Variants in WIPF3 observed in about 807,000 individuals in gnomAD.
WIPF3 encodes WAS/WASL interacting protein family member 3, also known as WAS/WASL-interacting protein family member 3.
In WIPF3, 33 loss-of-function variants were observed where a neutral mutation model predicts 38.9. The observed-to-expected ratio is 0.85, with a 90% CI of 0.64 to 1.14. The LOEUF (loss-of-function observed/expected upper bound fraction) is 1.14, where lower values mean the gene tolerates loss of function less well. Among genes scored for constraint, WIPF3 ranks in the 50% most tolerant of loss-of-function variants. The pLI is 0.00. For missense variants in WIPF3, 711 were observed against 652.5 expected (o/e 1.09, Z -0.98); for synonymous variants, 324 against 269.3 (o/e 1.20, Z -1.99).
intron 1 of WIPF3, among the ~76,000 whole-genome samples, chr7:29,813,989 C>G (rs1784420632): frequency 6.6e-6 from 1 of 151,898 alleles, no homozygotes; most frequent in Non-Finnish European, 1.5e-5. Flanking sequence ...GGTGCTATCC[C>G]AGCTCACTGC....
chr7:29,808,298 G>A (rs1481182205), intron 1 of WIPF3, among the ~76,000 whole-genome samples: 1 of 152,182 alleles, frequency 6.6e-6, no homozygotes, highest in African/African-American at 2.4e-5. Context: ...GGCGAGGAGG[G>A]GCAAAAGAAA....
intron 3 of WIPF3, 113 bp downstream of exon 3, chr7:29,876,075 G>A: frequency 6.9e-7 from 1 of 1,439,606 alleles, no homozygotes; most frequent in Admixed American, 2.1e-5. Flanking sequence ...TGCATATGGA[G>A]CCATCTCAGA....
At chr7:29,905,841 T>C (rs184261867) in intron 8 of WIPF3, 236 of 152,122 alleles carry the variant, frequency 1.6e-3, no homozygotes, top group African/African-American at 4.5e-3. Context: ...TCTTTTTTTT[T>C]CCCCATTTGG....
chr7:29,911,018 C>G (rs2128082017), intron 8 of WIPF3, among the ~76,000 whole-genome samples: 2 of 129,230 alleles, frequency 1.5e-5, no homozygotes, highest in Middle Eastern at 7.8e-3. Flanking sequence ...TGTAGAAAAT[C>G]CTAAAGATTC....
chr7:29,877,322 C>T (rs1007432434), intron 3 of WIPF3, among the ~76,000 whole-genome samples: 1 of 152,234 alleles, frequency 6.6e-6, no homozygotes, highest in Non-Finnish European at 1.5e-5. Context: ...TTCCTGGTCT[C>T]TCAGTGGTTT....
chr7:29,866,086 G>A (rs950170373), intron 2 of WIPF3, among the ~76,000 whole-genome samples: 3 of 152,160 alleles, frequency 2.0e-5, no homozygotes, highest in African/African-American at 7.2e-5. Flanking sequence ...TTGAACCTGC[G>A]AGGTGGAGGT....
intron 8 of WIPF3, among the ~76,000 whole-genome samples, chr7:29,908,665 C>G (rs1456630664): frequency 6.6e-6 from 1 of 152,142 alleles, no homozygotes; most frequent in Non-Finnish European, 1.5e-5. Context: ...AATCCTGGCA[C>G]TTTGAGAGGC....
intron 1 of WIPF3, among the ~76,000 whole-genome samples, chr7:29,815,775 C>T (rs1784445093): frequency 6.6e-6 from 1 of 152,186 alleles, no homozygotes; most frequent in South Asian, 2.1e-4. Context: ...CGTGTGATAA[C>T]AGAAGAATTA....
At chr7:29,827,995 T>A (rs1311486915) in intron 1 of WIPF3, among the ~76,000 whole-genome samples, 1 of 152,134 alleles carries the variant, frequency 6.6e-6, no homozygotes, top group Non-Finnish European at 1.5e-5. Flanking sequence ...GATGGGATTT[T>A]GCCATGTTGC....
At chr7:29,861,083 G>T (rs1478930366) in intron 2 of WIPF3, among the ~76,000 whole-genome samples, 1 of 152,096 alleles carries the variant, frequency 6.6e-6, no homozygotes, top group African/African-American at 2.4e-5. Context: ...TATCTATGTC[G>T]CATAAATGCC....
At chr7:29,818,715 TGAC>T (rs1488677269) in intron 1 of WIPF3, among the ~76,000 whole-genome samples, 1 of 152,040 alleles carries the variant, frequency 6.6e-6, no homozygotes, top group African/African-American at 2.4e-5. Context: ...CTAATTGAAT[TGAC>T]TACTAGCTGT....
chr7:29,834,147 G>C (rs1784762523), intron 1 of WIPF3, among the ~76,000 whole-genome samples: 1 of 152,188 alleles, frequency 6.6e-6, no homozygotes, highest in African/African-American at 2.4e-5. Context: ...TGACAGGAGA[G>C]AAAGAGGCAG....
intron 2 of WIPF3, among the ~76,000 whole-genome samples, chr7:29,865,370 C>T (rs1009436054): frequency 2.6e-5 from 4 of 152,234 alleles, no homozygotes; most frequent in East Asian, 3.9e-4. Flanking sequence ...AGAACTGACC[C>T]CTGAACTCAG....
chr7:29,884,011 G>GC lies in WIPF3; in HGVS notation c.521dup (p.Pro175AlafsTer70). 6.3e-6 allele frequency: 9 copies of GC among 1,430,648 alleles called. No individual in the cohort carries two copies. The highest frequency in any genetic ancestry group is 2.8e-5 in the South Asian group (2 of 71,500). 88.6% of individuals were successfully genotyped at this position (1,430,648 alleles called of 1,614,324 possible). A position where few individuals can be genotyped will look rare whatever the true frequency, so the allele number is the denominator to read the frequency against. ...AGCCCCGCCTCGCCCCAACGTGCCT[G>GC]CCCCGCCCCCTCCCACCCCACCCCC... On this transcript the variant is annotated frameshift_variant, in exon 5 of 9. Coordinates refer to ENST00000242140, the MANE Select transcript of WIPF3 (RefSeq NM_001080529.3). LOFTEE classifies it high-confidence loss of function.
At chr7:29,817,724 C>A (rs1784478566) in intron 1 of WIPF3, among the ~76,000 whole-genome samples, 1 of 152,062 alleles carries the variant, frequency 6.6e-6, no homozygotes. Context: ...CTCCATATAG[C>A]AATATCAAAT....
chr7:29,859,082 T>C (rs894729792), intron 2 of WIPF3, among the ~76,000 whole-genome samples: 4 of 152,150 alleles, frequency 2.6e-5, no homozygotes, highest in African/African-American at 9.7e-5. Flanking sequence ...TGGCACTTCT[T>C]AGGGAGGGAG....
At chr7:29,906,131 A>G (rs1166926810) in intron 8 of WIPF3, 1 of 152,230 alleles carries the variant, frequency 6.6e-6, no homozygotes, top group Non-Finnish European at 1.5e-5. Flanking sequence ...TTCAACAACA[A>G]CAAAAATCAC....
chr7:29,901,351 TAA>T, intron 7 of WIPF3, among the ~76,000 whole-genome samples: 1 of 150,188 alleles, frequency 6.7e-6, no homozygotes, highest in African/African-American at 2.4e-5. Flanking sequence ...AAACCCTGAC[TAA>T]GTCCCGGCCA....
chr7:29,889,541 C>A, intron 7 of WIPF3, 134 bp downstream of exon 7: 1 of 680,082 alleles, frequency 1.5e-6, no homozygotes, highest in South Asian at 1.8e-5. Flanking sequence ...GGATGTAGTG[C>A]TGTGCATAGT....
Sources: allele counts gnomAD v4.1 joint callset (sites outside exome capture counted in the v4.1 genomes callset), GRCh38; gene constraint gnomAD v4.1.1; transcripts MANE v1.5; gene names NCBI Gene and HGNC (gene_info 2026-07-23, HGNC 2026-07-21).